The following FHIT variants were observed in gnomAD, a reference collection of about 807,000 sequenced individuals.
The protein encoded by FHIT is fragile histidine triad diadenosine triphosphatase.
Under a neutral mutation model 17.9 loss-of-function variants are expected in FHIT, and 19 were observed. The observed-to-expected ratio is 1.06, with a 90% confidence interval of 0.74 to 1.56. The LOEUF (loss-of-function observed/expected upper bound fraction) is 1.56, where lower values mean the gene tolerates loss of function less well. Ranked by LOEUF, FHIT falls within the 40% of genes most tolerant of loss-of-function variation. The probability of loss-of-function intolerance (pLI) is 0.00; values close to 1 mark genes in which losing one functional copy is unlikely to be tolerated. For synonymous variants in FHIT, 81 were observed against 69.7 expected (o/e 1.16, Z -0.81); for missense variants, 248 against 189.2 (o/e 1.31, Z -1.82).
intron 5 of FHIT, among the ~76,000 whole-genome samples, chr3:60,296,531 T>C (rs1708219898): frequency 6.6e-6 from 1 of 152,160 alleles, no homozygotes; most frequent in Admixed American, 6.6e-5. Flanking sequence ...GTTTTGCGAG[T>C]TCATTATAAA....
intron 4 of FHIT, among the ~76,000 whole-genome samples, chr3:60,780,335 T>C (rs1700342061): frequency 6.6e-6 from 1 of 152,110 alleles, no homozygotes; most frequent in South Asian, 2.1e-4. Flanking sequence ...AGAGTTGGTT[T>C]CCCAAACCTT....
intron 5 of FHIT, among the ~76,000 whole-genome samples, chr3:60,228,605 T>C (rs549643226): frequency 3.3e-5 from 5 of 152,210 alleles, no homozygotes. Context: ...AGTTTCTACA[T>C]GTATAAAATG....
chr3:61,186,359 C>T lies in FHIT; in HGVS notation c.-164+14258G>A, dbSNP rs79229369. On this transcript the variant is annotated intron_variant, in intron 2 of 9. Transcript: ENST00000492590. ...GCAGCTAACCAGGTAGACCTTGTGC[C>T]CTGGGCCACAGGTGACTCTGGCAAG... 6.6e-5 allele frequency among the ~76,000 whole-genome samples: 10 copies of T among 152,278 alleles called. No homozygotes were observed. In the East Asian group the frequency reaches 1.9e-3, roughly 29 times the overall value.
intron 3 of FHIT, among the ~76,000 whole-genome samples, chr3:60,925,584 T>C (rs367599382): frequency 2.6e-5 from 4 of 152,254 alleles, no homozygotes; most frequent in East Asian, 3.9e-4. Context: ...AAGGAACAAC[T>C]GGTACCAGCC....
chr3:60,953,661 T>C (rs974123570), intron 3 of FHIT, among the ~76,000 whole-genome samples: 14 of 151,980 alleles, frequency 9.2e-5, no homozygotes, highest in Non-Finnish European at 4.4e-5. Flanking sequence ...TCATACAACA[T>C]CCCAACCCGC....
chr3:59,948,633 C>CA (rs1435838856), intron 7 of FHIT, among the ~76,000 whole-genome samples: 1 of 152,050 alleles, frequency 6.6e-6, no homozygotes, highest in African/African-American at 2.4e-5. Context: ...TTACCCTCAC[C>CA]AGCATCTGGT....
chr3:59,913,874 G>T (rs540966212), intron 8 of FHIT, among the ~76,000 whole-genome samples: 1 of 152,256 alleles, frequency 6.6e-6, no homozygotes, highest in African/African-American at 2.4e-5. Flanking sequence ...AGCTACACAG[G>T]TATACCAGCT....
intron 5 of FHIT, among the ~76,000 whole-genome samples, chr3:60,039,018 G>A (rs1203045718): frequency 6.6e-6 from 1 of 152,110 alleles, no homozygotes; most frequent in Non-Finnish European, 1.5e-5. Flanking sequence ...GAACTTTCAT[G>A]ACACTCCAGT....
At chr3:60,580,986 G>C (rs1553659524) in intron 4 of FHIT, among the ~76,000 whole-genome samples, 1 of 152,010 alleles carries the variant, frequency 6.6e-6, no homozygotes, top group South Asian at 2.1e-4. Flanking sequence ...TTAAGTCTGG[G>C]GCGGTGGCTG....
At chr3:60,651,795 A>G (rs1293766989) in intron 4 of FHIT, among the ~76,000 whole-genome samples, 11 of 152,204 alleles carry the variant, frequency 7.2e-5, no homozygotes, top group African/African-American at 2.2e-4. Context: ...GAAGAGCTAC[A>G]TGGTATTTCT....
intron 5 of FHIT, among the ~76,000 whole-genome samples, chr3:60,201,112 T>C (rs1451583435): frequency 6.6e-6 from 1 of 152,110 alleles, no homozygotes; most frequent in Non-Finnish European, 1.5e-5. Flanking sequence ...TAAGTTTTGG[T>C]CTTTACTGCT....
intron 9 of FHIT, chr3:59,750,061 A>G (rs2106715907): frequency 4.4e-6 from 1 of 225,078 alleles, no homozygotes; most frequent in East Asian, 6.5e-5. Flanking sequence ...AGTTTGTGTA[A>G]CAAGTTAGGG....
chr3:59,956,281 T>C (rs1257873562), intron 7 of FHIT, among the ~76,000 whole-genome samples: 1 of 152,126 alleles, frequency 6.6e-6, no homozygotes, highest in Non-Finnish European at 1.5e-5. Context: ...GGCTCACATC[T>C]GTAATCCCAG....
intron 4 of FHIT, among the ~76,000 whole-genome samples, chr3:60,745,854 T>C (rs1169561397): frequency 6.6e-6 from 1 of 152,186 alleles, no homozygotes; most frequent in Non-Finnish European, 1.5e-5. Flanking sequence ...AACGCATCTG[T>C]ACTCCCTCAT....
At chr3:59,947,125 G>A (rs1490781802) in intron 7 of FHIT, among the ~76,000 whole-genome samples, 1 of 152,164 alleles carries the variant, frequency 6.6e-6, no homozygotes, top group African/African-American at 2.4e-5. Context: ...GAATTTGGCT[G>A]TGAATCTGTC....
chr3:60,770,390 C>T (rs1359590917), intron 4 of FHIT, among the ~76,000 whole-genome samples: 2 of 152,082 alleles, frequency 1.3e-5, no homozygotes, highest in Admixed American at 6.5e-5. Flanking sequence ...ATGTTTGCTC[C>T]ACATCATGAA....
At chr3:60,074,185 G>C (rs1702905571) in intron 5 of FHIT, among the ~76,000 whole-genome samples, 1 of 152,060 alleles carries the variant, frequency 6.6e-6, no homozygotes, top group African/African-American at 2.4e-5. Flanking sequence ...AAGAATCAGA[G>C]TAAATGACTC....
At chr3:60,323,395 C>G (rs1709521848) in intron 5 of FHIT, among the ~76,000 whole-genome samples, 1 of 152,170 alleles carries the variant, frequency 6.6e-6, no homozygotes, top group Non-Finnish European at 1.5e-5. Context: ...TTGAGTACTT[C>G]CTGAGGATGA....
intron 3 of FHIT, among the ~76,000 whole-genome samples, chr3:60,904,211 A>G (rs1706269337): frequency 1.3e-5 from 2 of 152,166 alleles, no homozygotes; most frequent in African/African-American, 4.8e-5. Flanking sequence ...CTAATGATCC[A>G]AAATTCCCAA....
Sources: allele counts gnomAD v4.1 joint callset (sites outside exome capture counted in the v4.1 genomes callset), GRCh38; gene constraint gnomAD v4.1.1; transcripts MANE v1.5; gene names NCBI Gene and HGNC (gene_info 2026-07-23, HGNC 2026-07-21).